The following BLM variants were observed in gnomAD, a reference collection of about 807,000 sequenced individuals.
The protein encoded by BLM is recQ-like DNA helicase BLM.
Under a neutral mutation model 135.3 loss-of-function variants are expected in BLM, and 95 were observed. That is an observed-to-expected ratio of 0.70 (90% confidence interval 0.59 to 0.83). The LOEUF (loss-of-function observed/expected upper bound fraction) is 0.83, where lower values mean the gene tolerates loss of function less well. Among genes scored for constraint, BLM ranks in the 40% least tolerant of loss-of-function variants. The probability of loss-of-function intolerance (pLI) is 0.00; values close to 1 mark genes in which losing one functional copy is unlikely to be tolerated. For synonymous variants in BLM, 520 were observed against 589.2 expected (o/e 0.88, Z 1.70); for missense variants, 1,518 against 1,663.9 (o/e 0.91, Z 1.53).
chr15:90,756,471 G>A (rs1232776077), intron 5 of BLM, among the ~76,000 whole-genome samples: 1 of 152,190 alleles, frequency 6.6e-6, no homozygotes, highest in African/African-American at 2.4e-5. Flanking sequence ...GCGTTAAATA[G>A]TTACACACCG....
At position 90,811,353 on chromosome 15, in the gene BLM, C is replaced by T. The variant is rs1596273681; in HGVS notation, c.4023C>T (p.Ala1341=). The T allele has an allele frequency of 3.1e-6, 5 of 1,614,056 alleles. No individual in the cohort carries two copies. Among genetic ancestry groups the T allele is most frequent in the African/African-American group, 1.3e-5 (1 of 74,896 alleles). Residue 1341 remains alanine, a synonymous_variant, in exon 21 of 22, where the codon GCC becomes GCT. Coordinates refer to ENST00000355112, the MANE Select transcript of BLM (RefSeq NM_000057.4). ...AAAGGAAGAGGAAAAAGATGCCAGC[C>T]TCCCAAAGGTCTAAGAGGAGAAAAA... is the stretch of plus-strand genomic sequence containing the variant. ...RNERKRKKMP[A]SQRSKRRKTA...
chr15:90,761,506 T>C (rs1350390095), intron 7 of BLM, among the ~76,000 whole-genome samples: 2 of 152,206 alleles, frequency 1.3e-5, no homozygotes, highest in Admixed American at 6.5e-5. Context: ...ACAAATGTGA[T>C]GTGCCTTTGA....
At chr15:90,726,120 A>C (rs1015621403) in intron 1 of BLM, among the ~76,000 whole-genome samples, 6 of 152,170 alleles carry the variant, frequency 3.9e-5, no homozygotes, top group African/African-American at 1.4e-4. Flanking sequence ...TCATCTTAAA[A>C]CATTTATCAT....
At chr15:90,770,235 C>G (rs537229479) in intron 12 of BLM, among the ~76,000 whole-genome samples, 10 of 143,532 alleles carry the variant, frequency 7.0e-5, no homozygotes, top group African/African-American at 2.6e-4. Context: ...GTGCAGTGGC[C>G]TGATCTCGGC....
intron 3 of BLM, 25 bp from the exon 4 acceptor site, chr15:90,751,762 A>C (rs1226092967): frequency 1.3e-6 from 2 of 1,595,924 alleles, no homozygotes; most frequent in Non-Finnish European, 1.7e-6. Context: ...TAACAAATCT[A>C]TGTTTATCAA....
intron 14 of BLM, chr15:90,790,436 T>G: frequency 1.7e-6 from 1 of 578,696 alleles, no homozygotes; most frequent in Non-Finnish European, 3.1e-6. Context: ...GAGCTTCTCT[T>G]TACCTTCTTG....
intron 4 of BLM, among the ~76,000 whole-genome samples, 174 bp from the exon 5 acceptor site, chr15:90,754,637 C>G (rs1895767585): frequency 6.6e-6 from 1 of 152,090 alleles, no homozygotes; most frequent in Admixed American, 6.6e-5. Flanking sequence ...TCTTTCTGGA[C>G]AACTTTGAGG....
chr15:90,767,456 A>G (rs1006502903), intron 10 of BLM, among the ~76,000 whole-genome samples: 1 of 152,222 alleles, frequency 6.6e-6, no homozygotes, highest in Non-Finnish European at 1.5e-5. Context: ...GCTTCTCTGT[A>G]ATCTTGTAAA....
intron 13 of BLM, among the ~76,000 whole-genome samples, 179 bp from the exon 14 acceptor site, chr15:90,784,742 C>G (rs1896701667): frequency 6.6e-6 from 1 of 152,060 alleles, no homozygotes; most frequent in Non-Finnish European, 1.5e-5. Flanking sequence ...AAAGCCACAT[C>G]TCATTTCCAG....
At chr15:90,728,620 G>C (rs1365615020) in intron 1 of BLM, among the ~76,000 whole-genome samples, 1 of 151,096 alleles carries the variant, frequency 6.6e-6, no homozygotes, top group Admixed American at 6.6e-5. Flanking sequence ...TGGCCAGGCT[G>C]GTCTCGAACT....
chr15:90,771,368 T>G (rs1157622024), intron 12 of BLM, among the ~76,000 whole-genome samples: 1 of 152,078 alleles, frequency 6.6e-6, no homozygotes, highest in Non-Finnish European at 1.5e-5. Flanking sequence ...GCGCCTGTAA[T>G]CGCTGCTACT....
intron 2 of BLM, among the ~76,000 whole-genome samples, chr15:90,748,485 T>C (rs1895569829): frequency 6.6e-6 from 1 of 152,186 alleles, no homozygotes. Flanking sequence ...CTGCCTCTCC[T>C]CTAAGCTATA....
chr15:90,724,571 AC>A (rs887889043), intron 1 of BLM, among the ~76,000 whole-genome samples: 1 of 151,632 alleles, frequency 6.6e-6, no homozygotes, highest in African/African-American at 2.4e-5. Flanking sequence ...CGCATTCCAG[AC>A]CCCCCACTTC....
intron 1 of BLM, among the ~76,000 whole-genome samples, chr15:90,740,846 G>T (rs1778940776): frequency 6.6e-6 from 1 of 152,138 alleles, no homozygotes; most frequent in South Asian, 2.1e-4. Context: ...ATGTGCCTTT[G>T]CCCCTCCTTT....
At chr15:90,772,607 C>T (rs58665872) in intron 12 of BLM, among the ~76,000 whole-genome samples, 1 of 152,158 alleles carries the variant, frequency 6.6e-6, no homozygotes, top group Admixed American at 6.5e-5. Flanking sequence ...GAACTTAAAA[C>T]ACCAGATAGC....
At chr15:90,790,108 AAGG>A (rs1896867040) in intron 14 of BLM, among the ~76,000 whole-genome samples, 1 of 149,074 alleles carries the variant, frequency 6.7e-6, no homozygotes, top group South Asian at 2.1e-4. Context: ...TGATGAATAG[AAGG>A]AGTTGATGTG....
chr15:90,814,632 A>T (rs1316467288), intron 21 of BLM, among the ~76,000 whole-genome samples: 3 of 152,162 alleles, frequency 2.0e-5, no homozygotes. Flanking sequence ...GCTCCACCCC[A>T]TGCATGCTCA....
intron 1 of BLM, among the ~76,000 whole-genome samples, chr15:90,741,207 TGC>T (rs1724385479): frequency 6.6e-6 from 1 of 152,250 alleles, no homozygotes; most frequent in Non-Finnish European, 1.5e-5. Flanking sequence ...TACAATTCAC[TGC>T]CCTTGATTTG....
intron 19 of BLM, among the ~76,000 whole-genome samples, chr15:90,808,161 A>G (rs1397391523): frequency 3.3e-5 from 5 of 152,248 alleles, no homozygotes; most frequent in African/African-American, 9.6e-5. Flanking sequence ...CAGATAAAGT[A>G]TACATTTTAT....
Sources: allele counts gnomAD v4.1 joint callset (sites outside exome capture counted in the v4.1 genomes callset), GRCh38; gene constraint gnomAD v4.1.1; transcripts MANE v1.5; gene names NCBI Gene and HGNC (gene_info 2026-07-23, HGNC 2026-07-21).